The following DPP6 variants were observed in gnomAD, a reference collection of about 807,000 sequenced individuals.
DPP6 encodes dipeptidyl peptidase like 6, also known as A-type potassium channel modulatory protein DPP6.
A neutral mutation model predicts 122.6 loss-of-function variants in DPP6; 69 were observed. That is an observed-to-expected ratio of 0.56 (90% confidence interval 0.46 to 0.69). The LOEUF is 0.69. Among genes scored for constraint, DPP6 ranks in the 30% least tolerant of loss-of-function variants. The pLI is 0.00. For synonymous variants in DPP6, 418 were observed against 433.1 expected, an observed-to-expected ratio of 0.97 and a Z score of 0.43; for missense variants, 928 against 1,116.9, an observed-to-expected ratio of 0.83 and a Z score of 2.41.
chr7:153,763,176 ATTTCC>A, the DPP6 span, among the ~76,000 whole-genome samples: 1 of 152,020 alleles, frequency 6.6e-6, no homozygotes, highest in African/African-American at 2.4e-5. Flanking sequence ...ACTTCCATTT[ATTTCC>A]TTTCCAACTC....
intron 3 of DPP6, among the ~76,000 whole-genome samples, chr7:154,525,947 C>T (rs958678973): frequency 4.6e-5 from 7 of 152,132 alleles, no homozygotes; most frequent in Non-Finnish European, 7.4e-5. Flanking sequence ...GTGCAGTTCT[C>T]ATAATCCCAA....
At chr7:154,061,672 C>T (rs1010531679) in intron 1 of DPP6, among the ~76,000 whole-genome samples, 5 of 113,754 alleles carry the variant, frequency 4.4e-5, no homozygotes, top group Admixed American at 8.3e-5. Flanking sequence ...CCTCTTCCCC[C>T]CCTGGCTCTT....
intron 1 of DPP6, among the ~76,000 whole-genome samples, chr7:154,061,472 T>G (rs1348246945): frequency 1.2e-4 from 17 of 146,922 alleles, no homozygotes; most frequent in African/African-American, 4.0e-4. Flanking sequence ...GGCCCCCCTA[T>G]TAGAGGGCCT....
At chr7:154,747,089 C>T (rs1343174122) in intron 8 of DPP6, among the ~76,000 whole-genome samples, 1 of 152,172 alleles carries the variant, frequency 6.6e-6, no homozygotes, top group Non-Finnish European at 1.5e-5. Context: ...CAGAAAATAA[C>T]ATGGAGACCT....
intron 3 of DPP6, among the ~76,000 whole-genome samples, chr7:154,488,785 G>T (rs1270375832): frequency 6.6e-6 from 1 of 152,054 alleles, no homozygotes; most frequent in Non-Finnish European, 1.5e-5. Context: ...AAGGTACTGT[G>T]GCCTTTTAAA....
chr7:154,886,196 G>C (rs1437181435), intron 22 of DPP6, among the ~76,000 whole-genome samples: 2 of 152,218 alleles, frequency 1.3e-5, no homozygotes, highest in Non-Finnish European at 2.9e-5. Flanking sequence ...GGGATGGTTG[G>C]GAGGGAATTG....
At chr7:153,844,631 T>C in the DPP6 span, among the ~76,000 whole-genome samples, 1 of 152,252 alleles carries the variant, frequency 6.6e-6, no homozygotes, top group South Asian at 2.1e-4. Context: ...AAAGCATTCT[T>C]AGTTCATGGG....
intron 12 of DPP6, among the ~76,000 whole-genome samples, chr7:154,797,723 C>G (rs1252000996): frequency 6.6e-6 from 1 of 152,114 alleles, no homozygotes; most frequent in Non-Finnish European, 1.5e-5. Context: ...GGTGGCTGCA[C>G]GTCATTGTGA....
At chr7:154,544,266 C>T (rs1828984650) in intron 4 of DPP6, among the ~76,000 whole-genome samples, 1 of 151,624 alleles carries the variant, frequency 6.6e-6, no homozygotes, top group East Asian at 1.9e-4. Context: ...ATGTCTTGAT[C>T]CATTTCCTCT....
In DPP6 at chr7:154,320,489, TG is replaced by T. The variant is rs1178987029; in HGVS notation, c.244-125724del. Among the ~76,000 whole-genome samples, 1,353 of 152,028 alleles carry T rather than the reference TG, an allele frequency of 8.9e-3. 27 individuals carry two copies. The highest frequency in any genetic ancestry group is 0.064 in the East Asian group (328 of 5,144). On this transcript the variant is annotated intron_variant, in intron 1 of 25. Transcript: ENST00000377770. ...AATTGTACTTTGTTTTTTTTTTTGTTGTTGTTTTTCTTGAGACAGAATTTTC... is the reference window on the plus strand; with the variant it reads ...AATTGTACTTTGTTTTTTTTTTTGTTTTGTTTTTCTTGAGACAGAATTTTC...
At chr7:154,807,286 C>A (rs1055352653) in intron 16 of DPP6, among the ~76,000 whole-genome samples, 174 bp downstream of exon 16, 2 of 152,086 alleles carry the variant, frequency 1.3e-5, no homozygotes, top group African/African-American at 2.4e-5. Flanking sequence ...GATGACTGGA[C>A]CCCCACAGAG....
At chr7:154,871,532 CT>C (rs1429898940) in intron 18 of DPP6, among the ~76,000 whole-genome samples, 2 of 152,212 alleles carry the variant, frequency 1.3e-5, no homozygotes, top group Non-Finnish European at 2.9e-5. Flanking sequence ...AAGGGCTCCC[CT>C]GAAATGTTTT....
intron 1 of DPP6, among the ~76,000 whole-genome samples, chr7:154,256,712 T>C (rs1802679721): frequency 6.6e-6 from 1 of 152,150 alleles, no homozygotes; most frequent in African/African-American, 2.4e-5. Flanking sequence ...GAATCGTCAT[T>C]GTGGAAAGGA....
chr7:154,424,177 A>G (rs576639161), intron 1 of DPP6, among the ~76,000 whole-genome samples: 3 of 152,354 alleles, frequency 2.0e-5, no homozygotes, highest in South Asian at 2.1e-4. Flanking sequence ...CTCAACTCAC[A>G]TACGCAGATA....
At chr7:154,270,456 C>T (rs1803711544) in intron 1 of DPP6, among the ~76,000 whole-genome samples, 2 of 152,210 alleles carry the variant, frequency 1.3e-5, no homozygotes, top group Non-Finnish European at 2.9e-5. Context: ...ATCATAGAAT[C>T]TAGAAGCTCG....
the DPP6 span, among the ~76,000 whole-genome samples, chr7:153,880,904 A>G: frequency 1.3e-5 from 2 of 152,158 alleles, no homozygotes; most frequent in African/African-American, 4.8e-5. Flanking sequence ...CTCTTAGTCT[A>G]CTCTGGCAAA....
intron 10 of DPP6, among the ~76,000 whole-genome samples, chr7:154,787,641 G>A (rs1399484217): frequency 6.6e-6 from 1 of 152,098 alleles, no homozygotes; most frequent in Non-Finnish European, 1.5e-5. Flanking sequence ...TCATTGGTTT[G>A]CTATTAAAAT....
At chr7:154,526,236 A>T (rs1827397167) in intron 3 of DPP6, among the ~76,000 whole-genome samples, 1 of 152,178 alleles carries the variant, frequency 6.6e-6, no homozygotes, top group Non-Finnish European at 1.5e-5. Flanking sequence ...CTTTAAGATA[A>T]TATCTTTAAC....
intron 1 of DPP6, among the ~76,000 whole-genome samples, chr7:154,014,962 C>T (rs1316500970): frequency 1.3e-5 from 2 of 152,120 alleles, no homozygotes; most frequent in African/African-American, 4.8e-5. Flanking sequence ...CTCAGAATAC[C>T]CTTTAGAATG....
Sources: gnomAD v4.1 joint callset for allele counts (sites outside exome capture counted in the v4.1 genomes callset) on GRCh38, gnomAD v4.1.1 for gene constraint, MANE v1.5 for transcripts, NCBI Gene and HGNC (gene_info 2026-07-23, HGNC 2026-07-21) for gene names.